Variants in DPP6 observed in about 807,000 individuals in gnomAD.
The protein encoded by DPP6 is A-type potassium channel modulatory protein DPP6.
Under a neutral mutation model 122.6 loss-of-function variants are expected in DPP6, and 69 were observed. That is an observed-to-expected ratio of 0.56 (90% CI 0.46 to 0.69). The LOEUF (loss-of-function observed/expected upper bound fraction) is 0.69. DPP6 is among the 30% of genes least tolerant of loss of function. The pLI is 0.00. For synonymous variants in DPP6, 418 were observed against 433.1 expected, an observed-to-expected ratio of 0.97 and a Z score of 0.43; for missense variants, 928 against 1,116.9, an observed-to-expected ratio of 0.83 and a Z score of 2.41.
chr7:154,694,968 G>A (rs1360063833), intron 7 of DPP6, among the ~76,000 whole-genome samples: 3 of 152,160 alleles, frequency 2.0e-5, no homozygotes, highest in Non-Finnish European at 4.4e-5. Context: ...TTAATTCACT[G>A]TTCCCCACCT....
At chr7:154,586,216 A>C (rs1288498783) in intron 5 of DPP6, among the ~76,000 whole-genome samples, 1 of 152,124 alleles carries the variant, frequency 6.6e-6, no homozygotes, top group East Asian at 1.9e-4. Flanking sequence ...GACCGGGCAC[A>C]GTGATTCATG....
At chr7:154,288,964 T>G (rs1377834352) in intron 1 of DPP6, among the ~76,000 whole-genome samples, 1 of 152,228 alleles carries the variant, frequency 6.6e-6, no homozygotes, top group Non-Finnish European at 1.5e-5. Flanking sequence ...GACTAACTAT[T>G]GTCTCACCAT....
chr7:154,778,429 C>G (rs1053408030), intron 10 of DPP6, among the ~76,000 whole-genome samples: 1 of 152,074 alleles, frequency 6.6e-6, no homozygotes, highest in Non-Finnish European at 1.5e-5. Flanking sequence ...TGATGCGAAA[C>G]TCAGCCTTCT....
chr7:153,782,685 C>A, the DPP6 span, among the ~76,000 whole-genome samples: 1 of 152,196 alleles, frequency 6.6e-6, no homozygotes, highest in Non-Finnish European at 1.5e-5. Flanking sequence ...GTGTTAATAT[C>A]TCTCTAGCAT....
intron 1 of DPP6, among the ~76,000 whole-genome samples, chr7:153,993,893 A>G (rs903916040): frequency 2.0e-5 from 3 of 152,092 alleles, no homozygotes; most frequent in African/African-American, 4.8e-5. Context: ...ATTCTGGCCA[A>G]TCTTGGCTAA....
intron 3 of DPP6, among the ~76,000 whole-genome samples, chr7:154,496,203 A>T (rs995937029): frequency 7.9e-5 from 12 of 152,116 alleles, no homozygotes; most frequent in African/African-American, 2.4e-4. Context: ...TAGTGAACTT[A>T]ATTTATTTCA....
At chr7:154,119,250 T>C (rs1437684583) in intron 1 of DPP6, among the ~76,000 whole-genome samples, 2 of 152,200 alleles carry the variant, frequency 1.3e-5, no homozygotes, top group Non-Finnish European at 2.9e-5. Flanking sequence ...CTGGAGGTTT[T>C]CATCGTGTAA....
At chr7:154,810,603 T>C (rs891990207) in intron 16 of DPP6, among the ~76,000 whole-genome samples, 14 of 152,202 alleles carry the variant, frequency 9.2e-5, no homozygotes, top group African/African-American at 3.4e-4. Flanking sequence ...CCATAGTTGA[T>C]ACCTGGGAGG....
intron 3 of DPP6, among the ~76,000 whole-genome samples, chr7:154,492,327 C>T (rs1450036396): frequency 6.6e-6 from 1 of 152,114 alleles, no homozygotes; most frequent in Non-Finnish European, 1.5e-5. Flanking sequence ...TCAGTGCAAA[C>T]ATCAGATAGC....
At chr7:153,882,982 C>T (rs1798795760), upstream of DPP6, among the ~76,000 whole-genome samples, 1 of 152,212 alleles carries the variant, frequency 6.6e-6, no homozygotes, top group East Asian at 1.9e-4. Context: ...GTAAGATAAA[C>T]ATGCTATTCC....
chr7:154,658,584 G>A (rs1251497930), intron 6 of DPP6, among the ~76,000 whole-genome samples: 1 of 152,188 alleles, frequency 6.6e-6, no homozygotes, highest in African/African-American at 2.4e-5. Flanking sequence ...CCAAGCTGGA[G>A]CCTCCCAGAG....
chr7:154,606,233 T>C (rs1453347742), intron 5 of DPP6, among the ~76,000 whole-genome samples: 1 of 120,748 alleles, frequency 8.3e-6, no homozygotes, highest in Non-Finnish European at 1.9e-5. Flanking sequence ...TTGAGAGCAA[T>C]GTATTAAACA....
chr7:153,804,967 A>G, the DPP6 span, among the ~76,000 whole-genome samples: 1 of 152,166 alleles, frequency 6.6e-6, no homozygotes, highest in Non-Finnish European at 1.5e-5. Context: ...TGGGAAAAAA[A>G]TGATCTTGAC....
intron 5 of DPP6, among the ~76,000 whole-genome samples, chr7:154,567,761 G>C (rs1405204275): frequency 6.6e-6 from 1 of 152,164 alleles, no homozygotes; most frequent in Non-Finnish European, 1.5e-5. Flanking sequence ...TTTTAATTCA[G>C]GTCAGAATGG....
intron 1 of DPP6, among the ~76,000 whole-genome samples, chr7:154,232,729 G>A (rs934249200): frequency 3.3e-5 from 5 of 152,188 alleles, no homozygotes; most frequent in Admixed American, 6.5e-5. Flanking sequence ...TCTACCTGCG[G>A]AGCTCACATC....
chr7:153,920,393 A>G (rs541683732), intron 1 of DPP6, among the ~76,000 whole-genome samples: 1 of 152,224 alleles, frequency 6.6e-6, no homozygotes, highest in South Asian at 2.1e-4. Flanking sequence ...CAATGTTGCA[A>G]TCATTAATAG....
rs1397768755 is a variant in DPP6 at position 154,763,228 on chromosome 7, A to T, written c.884-6189A>T. Among the ~76,000 whole-genome samples the T allele has an allele frequency of 3.9e-5, 6 of 152,294 alleles. No homozygotes were observed. In the East Asian group the frequency reaches 1.2e-3, roughly 29 times the overall value. ...GTGCCTGTAATCCTAGCTACTCAGA[A>T]GGCTGAGGCAGGAGAATCACTTGAA... On this transcript the variant is annotated intron_variant, in intron 8 of 25. Transcript: ENST00000377770.
At chr7:154,440,357 A>ATGTTT in intron 1 of DPP6, among the ~76,000 whole-genome samples, 1 of 152,016 alleles carries the variant, frequency 6.6e-6, no homozygotes, top group East Asian at 1.9e-4. Context: ...TACTAGCAAA[A>ATGTTT]GCACCCCGGA....
intron 1 of DPP6, among the ~76,000 whole-genome samples, chr7:154,225,848 T>C (rs932980841): frequency 1.3e-5 from 2 of 152,304 alleles, no homozygotes; most frequent in Non-Finnish European, 1.5e-5. Flanking sequence ...AATACACTAG[T>C]GCCCACCCTC....
Sources: gnomAD v4.1 joint callset for allele counts (sites outside exome capture counted in the v4.1 genomes callset) on GRCh38, gnomAD v4.1.1 for gene constraint, MANE v1.5 for transcripts, NCBI Gene and HGNC (gene_info 2026-07-23, HGNC 2026-07-21) for gene names.